The following MIS18A variants were observed in gnomAD, a reference collection of about 807,000 sequenced individuals.
The protein encoded by MIS18A is MIS18 kinetochore protein A, also known as protein Mis18-alpha.
A neutral mutation model predicts 25.0 loss-of-function variants in MIS18A; 14 were observed. The ratio of observed to expected loss-of-function variants is 0.56; its 90% CI spans 0.37 to 0.88. The LOEUF is 0.88. Ranked by LOEUF, MIS18A falls within the 40% of genes least tolerant of loss-of-function variation. The probability of loss-of-function intolerance (pLI) is 0.00; values close to 1 mark genes in which losing one functional copy is unlikely to be tolerated. For missense variants in MIS18A, 292 were observed against 290.8 expected, an observed-to-expected ratio of 1.00 and a Z score of -0.03; for synonymous variants, 134 against 118.6, an observed-to-expected ratio of 1.13 and a Z score of -0.84.
chr21:32,159,762 T>C, the MIS18A span, among the ~76,000 whole-genome samples: 2 of 152,196 alleles, frequency 1.3e-5, no homozygotes, highest in African/African-American at 2.4e-5. Context: ...TTCCAGGCTA[T>C]AGGGAAATTT....
chr21:32,191,323 C>T, the MIS18A span, among the ~76,000 whole-genome samples: 2 of 152,212 alleles, frequency 1.3e-5, no homozygotes, highest in African/African-American at 4.8e-5. Context: ...GGCATGGTGG[C>T]TCACACCTAT....
the MIS18A span, among the ~76,000 whole-genome samples, chr21:32,163,606 C>A: frequency 6.6e-6 from 1 of 152,150 alleles, no homozygotes; most frequent in Non-Finnish European, 1.5e-5. Context: ...TCCTACAGGT[C>A]ACATACTGGA....
chr21:32,187,422 C>G, the MIS18A span, among the ~76,000 whole-genome samples: 3 of 152,102 alleles, frequency 2.0e-5, no homozygotes. Context: ...ACCAGGTGAC[C>G]TTGGGTTTGG....
At chr21:32,212,470 C>T in the MIS18A span, among the ~76,000 whole-genome samples, 2 of 152,128 alleles carry the variant, frequency 1.3e-5, no homozygotes, top group Non-Finnish European at 2.9e-5. Context: ...GTCAGACTCT[C>T]ACACCTGCAC....
In MIS18A at chr21:32,278,984, T is replaced by C. The variant is rs1313827989; in HGVS notation, c.31A>G (p.Arg11Gly). ...CACTCACAGCCGCCAGCGCATCCTC[T>C]GCTACACCTCAGTGACCGAACGCCT... Reference protein sequence around the residue: MAGVRSLRCSRGCAGGCECGD... With the variant: MAGVRSLRCSGGCAGGCECGD... The change falls in exon 1 of 5, where the codon AGA becomes GGA. Residue 11 changes from arginine (R) to glycine (G), a missense_variant. Transcript: ENST00000290130. 2.5e-6 allele frequency: 4 copies of C among 1,609,562 alleles called. No homozygotes were observed. The African/African-American group carries it at 4.0e-5, about 16-fold the overall frequency.
At chr21:32,210,429 C>G in the MIS18A span, among the ~76,000 whole-genome samples, 1 of 152,178 alleles carries the variant, frequency 6.6e-6, no homozygotes, top group Admixed American at 6.5e-5. Flanking sequence ...CTCTTCATCT[C>G]TAGCAGCCAT....
intron 1 of MIS18A, among the ~76,000 whole-genome samples, chr21:32,276,694 G>A (rs2031817316): frequency 6.6e-6 from 1 of 152,026 alleles, no homozygotes; most frequent in African/African-American, 2.4e-5. Context: ...ACTTTAGGAG[G>A]CCGAAGCAGG....
At chr21:32,186,866 G>C in the MIS18A span, among the ~76,000 whole-genome samples, 2 of 152,162 alleles carry the variant, frequency 1.3e-5, no homozygotes. Context: ...AGCTCAGAGA[G>C]AGCCCATTCT....
chr21:32,176,105 C>T, the MIS18A span, among the ~76,000 whole-genome samples: 111 of 152,224 alleles, frequency 7.3e-4, no homozygotes, highest in African/African-American at 2.4e-3. Context: ...AAGGACATGC[C>T]TGAGGCTGTT....
At chr21:32,278,656 C>T in intron 1 of MIS18A, 25 bp downstream of exon 1, 11 of 1,493,234 alleles carry the variant, frequency 7.4e-6, no homozygotes, top group African/African-American at 2.8e-5. Context: ...CCCACGCCCC[C>T]CCTGCCCGGC....
chr21:32,255,706 G>A, the MIS18A span, among the ~76,000 whole-genome samples: 272 of 151,600 alleles, frequency 1.8e-3, 1 homozygote, highest in East Asian at 1.8e-3. Flanking sequence ...TGGCTAACAC[G>A]GTGAAACCCC....
the MIS18A span, among the ~76,000 whole-genome samples, chr21:32,177,050 A>C: frequency 6.6e-6 from 1 of 152,158 alleles, no homozygotes; most frequent in Non-Finnish European, 1.5e-5. Context: ...CAGATGCAAA[A>C]ATCCTAAATA....
chr21:32,186,590 A>G, the MIS18A span, among the ~76,000 whole-genome samples: 66 of 152,362 alleles, frequency 4.3e-4, no homozygotes, highest in Admixed American at 2.1e-3. Flanking sequence ...AGTTGCAGAT[A>G]AAATAAAGAA....
chr21:32,204,801 C>T, the MIS18A span, among the ~76,000 whole-genome samples: 1 of 151,930 alleles, frequency 6.6e-6, no homozygotes, highest in Non-Finnish European at 1.5e-5. Flanking sequence ...GCAGGAGAAT[C>T]GCTTGGGCTT....
chr21:32,207,217 G>C, the MIS18A span, among the ~76,000 whole-genome samples: 1 of 152,156 alleles, frequency 6.6e-6, no homozygotes, highest in South Asian at 2.1e-4. Flanking sequence ...GAAGTCAACA[G>C]ATAATGAGGA....
the MIS18A span, among the ~76,000 whole-genome samples, chr21:32,196,381 T>C: frequency 6.6e-6 from 1 of 151,944 alleles, no homozygotes; most frequent in Non-Finnish European, 1.5e-5. Context: ...AGGACTTAGG[T>C]CTCAGCTCTC....
At chr21:32,256,151 C>T in the MIS18A span, among the ~76,000 whole-genome samples, 1 of 152,112 alleles carries the variant, frequency 6.6e-6, no homozygotes, top group Non-Finnish European at 1.5e-5. Flanking sequence ...TCCCCAGAAA[C>T]CTCGTGTATT....
intron 1 of MIS18A, among the ~76,000 whole-genome samples, chr21:32,276,998 T>C (rs191252638): frequency 1.2e-4 from 18 of 152,300 alleles, no homozygotes; most frequent in Admixed American, 3.9e-4. Flanking sequence ...GTTAGGCTGT[T>C]ATAGCTACAG....
chr21:32,266,212 G>C (rs1293989944), downstream of MIS18A, among the ~76,000 whole-genome samples: 1 of 152,196 alleles, frequency 6.6e-6, no homozygotes, highest in African/African-American at 2.4e-5. Flanking sequence ...GGGCCTTGGA[G>C]AACCTGTGTG....
Sources: allele counts gnomAD v4.1 joint callset (sites outside exome capture counted in the v4.1 genomes callset), GRCh38; gene constraint gnomAD v4.1.1; transcripts MANE v1.5; gene names NCBI Gene and HGNC (gene_info 2026-07-23, HGNC 2026-07-21).